TMEM108: variants seen among roughly 807,000 people sequenced by gnomAD.
The protein encoded by TMEM108 is transmembrane protein 108, also known as cancer/testis antigen 124.
TMEM108 carries 12 observed loss-of-function variants against 35.1 expected under a neutral mutation model. That is an observed-to-expected ratio of 0.34 (90% CI 0.22 to 0.55). The LOEUF (loss-of-function observed/expected upper bound fraction) is 0.55. TMEM108 is among the 20% of genes least tolerant of loss of function. TMEM108 has a pLI of 0.89. For synonymous variants in TMEM108, 287 were observed against 308.6 expected, an observed-to-expected ratio of 0.93 and a Z score of 0.73; for missense variants, 680 against 753.3, an observed-to-expected ratio of 0.90 and a Z score of 1.14.
intron 3 of TMEM108, among the ~76,000 whole-genome samples, chr3:133,313,735 A>C (rs978086943): frequency 1.3e-5 from 2 of 152,030 alleles, no homozygotes; most frequent in African/African-American, 4.8e-5. Flanking sequence ...TGTAATTACT[A>C]TCTTCCCCTT....
chr3:133,372,906 C>T (rs112088361), intron 3 of TMEM108, among the ~76,000 whole-genome samples: 1,588 of 152,322 alleles, frequency 0.01, 34 homozygotes, highest in African/African-American at 0.036. Context: ...TGGATTGCCT[C>T]TTAAGATCAA....
intron 2 of TMEM108, among the ~76,000 whole-genome samples, chr3:133,062,018 A>G (rs1943542686): frequency 6.6e-6 from 1 of 152,244 alleles, no homozygotes; most frequent in Non-Finnish European, 1.5e-5. Context: ...GCAATTAATT[A>G]GGTATCCTAA....
At chr3:133,159,453 A>T (rs1055023993) in intron 2 of TMEM108, among the ~76,000 whole-genome samples, 2 of 151,822 alleles carry the variant, frequency 1.3e-5, no homozygotes, top group African/African-American at 4.8e-5. Context: ...CAAAGGATCC[A>T]CCCCTTTGAT....
chr3:133,123,212 G>C (rs1290303541), intron 2 of TMEM108, among the ~76,000 whole-genome samples: 1 of 151,998 alleles, frequency 6.6e-6, no homozygotes, highest in African/African-American at 2.4e-5. Context: ...CCATTGCATT[G>C]GTTTGCCATA....
At chr3:133,106,819 A>G (rs950363734) in intron 2 of TMEM108, among the ~76,000 whole-genome samples, 1 of 152,204 alleles carries the variant, frequency 6.6e-6, no homozygotes, top group Non-Finnish European at 1.5e-5. Context: ...CGAGGCAACA[A>G]CATGACTATA....
chr3:133,240,929 AT>A (rs1234812077), intron 3 of TMEM108, among the ~76,000 whole-genome samples: 3 of 152,090 alleles, frequency 2.0e-5, no homozygotes, highest in Non-Finnish European at 4.4e-5. Flanking sequence ...GGCAAATCTT[AT>A]TTAAAAAAAA....
At chr3:133,114,727 T>C (rs925193982) in intron 2 of TMEM108, among the ~76,000 whole-genome samples, 6 of 152,150 alleles carry the variant, frequency 3.9e-5, no homozygotes, top group African/African-American at 1.4e-4. Context: ...CTCTCTTCCA[T>C]GGATAGAAAT....
intron 1 of TMEM108, among the ~76,000 whole-genome samples, chr3:133,040,289 C>T (rs922242002): frequency 2.0e-5 from 3 of 151,212 alleles, no homozygotes; most frequent in East Asian, 2.0e-4. Context: ...CTGTAACCTC[C>T]GTCTCCTGGA....
rs77108832 is a variant in TMEM108 at position 133,387,730 on chromosome 3, T to A, written c.1451-2450T>A. 7,591 of 726,916 alleles carry A rather than the reference T, an allele frequency of 0.01. 384 individuals carry two copies. The African/African-American group carries it at 0.12, about 11-fold the overall frequency. The allele number at this position is 726,916 out of a possible 1,614,324, so 45.0% of individuals were successfully genotyped here. ...ACAATTTGAAGTGCTGGCAGATGTA[T>A]GACTGCATTTAATCTTCCCAAGGAA... On this transcript the variant is annotated intron_variant, in intron 4 of 5. Transcript: ENST00000321871.
chr3:133,218,954 T>C (rs1945948648), intron 2 of TMEM108, among the ~76,000 whole-genome samples: 1 of 152,030 alleles, frequency 6.6e-6, no homozygotes. Context: ...TTGAGAAGGA[T>C]TGGTATTAGT....
At chr3:133,165,966 C>T (rs1466970797) in intron 2 of TMEM108, among the ~76,000 whole-genome samples, 2 of 152,188 alleles carry the variant, frequency 1.3e-5, no homozygotes, top group African/African-American at 4.8e-5. Flanking sequence ...ATCTGTGAAC[C>T]AGCCAGAATC....
chr3:133,370,729 T>G (rs1000537680), intron 3 of TMEM108, among the ~76,000 whole-genome samples: 6 of 152,202 alleles, frequency 3.9e-5, no homozygotes, highest in African/African-American at 1.4e-4. Flanking sequence ...AGAACACTTT[T>G]CGTATGTGAG....
At position 133,294,154 on chromosome 3, in the gene TMEM108, T is replaced by C. The variant is rs571615639; in HGVS notation, c.40+64803T>C. Among the ~76,000 whole-genome samples the C allele has an allele frequency of 4.2e-3, 647 of 152,330 alleles. 2 individuals are homozygous for C. The highest frequency in any genetic ancestry group is 0.014 in the African/African-American group (600 of 41,566). On this transcript the variant is annotated intron_variant, in intron 3 of 5. Transcript: ENST00000321871. The stretch of plus-strand genomic sequence containing the variant: ...TAATAAGCATTTATATTTTTCATCC[T>C]TATAAAAAATGCACGGCATCTTCAG...
chr3:133,330,611 A>G (rs1280489005), intron 3 of TMEM108, among the ~76,000 whole-genome samples: 2 of 152,146 alleles, frequency 1.3e-5, no homozygotes, highest in Admixed American at 6.5e-5. Context: ...GGTGGTGGTA[A>G]TAGTGTATTT....
chr3:133,362,554 C>T (rs2072383474), intron 3 of TMEM108, among the ~76,000 whole-genome samples: 1 of 152,148 alleles, frequency 6.6e-6, no homozygotes, highest in South Asian at 2.1e-4. Context: ...TCAGCTGTAA[C>T]GCATTCATTT....
At chr3:133,188,604 T>C (rs1405102666) in intron 2 of TMEM108, among the ~76,000 whole-genome samples, 1 of 152,162 alleles carries the variant, frequency 6.6e-6, no homozygotes, top group Non-Finnish European at 1.5e-5. Flanking sequence ...AAAATCCTAA[T>C]ACAAACTAAT....
chr3:133,378,396 G>T, intron 3 of TMEM108: 1 of 985,500 alleles, frequency 1.0e-6, no homozygotes, highest in Non-Finnish European at 1.2e-6. Context: ...CCCTGCTTTG[G>T]CCGTTTGTCC....
chr3:133,202,017 T>C (rs144780501), intron 2 of TMEM108, among the ~76,000 whole-genome samples: 1,766 of 152,352 alleles, frequency 0.012, 32 homozygotes, highest in African/African-American at 0.039. Context: ...TGATATCTCA[T>C]TGTGGTTTTG....
chr3:133,186,122 G>A (rs752092818), intron 2 of TMEM108, among the ~76,000 whole-genome samples: 10 of 152,120 alleles, frequency 6.6e-5, no homozygotes, highest in African/African-American at 1.9e-4. Context: ...CAGAGTTGAC[G>A]TTATTTCCAG....
Sources: gnomAD v4.1 joint callset for allele counts (sites outside exome capture counted in the v4.1 genomes callset) on GRCh38, gnomAD v4.1.1 for gene constraint, MANE v1.5 for transcripts, NCBI Gene and HGNC (gene_info 2026-07-23, HGNC 2026-07-21) for gene names.